The following ATPAF1 variants were observed in gnomAD, a reference collection of about 807,000 sequenced individuals.
ATPAF1 encodes ATP synthase mitochondrial F1 complex assembly factor 1.
Under a neutral mutation model 43.9 loss-of-function variants are expected in ATPAF1, and 26 were observed. The observed-to-expected ratio is 0.59, with a 90% CI of 0.43 to 0.82. The LOEUF (loss-of-function observed/expected upper bound fraction) is 0.82, where lower values mean the gene tolerates loss of function less well. Among genes scored for constraint, ATPAF1 ranks in the 40% least tolerant of loss-of-function variants. ATPAF1 has a pLI of 0.00. For synonymous variants in ATPAF1, 157 were observed against 168.0 expected, an observed-to-expected ratio of 0.93 and a Z score of 0.50; for missense variants, 366 against 435.0, an observed-to-expected ratio of 0.84 and a Z score of 1.41.
intron 4 of ATPAF1, 76 bp downstream of exon 4, chr1:46,658,051 C>T (rs1387602270): frequency 1.4e-6 from 2 of 1,389,918 alleles, no homozygotes; most frequent in Non-Finnish European, 2.0e-6. Context: ...AAAGAGGTGT[C>T]AGAAAATGTA....
intron 1 of ATPAF1, chr1:46,665,615 T>C (rs1167573026): frequency 2.7e-6 from 4 of 1,501,170 alleles, no homozygotes; most frequent in Non-Finnish European, 3.6e-6. Flanking sequence ...GTTCCCTAGG[T>C]TTACACAGGG....
chr1:46,645,123 G>C, intron 7 of ATPAF1, 38 bp downstream of exon 7: 2 of 1,532,362 alleles, frequency 1.3e-6, no homozygotes, highest in Non-Finnish European at 1.8e-6. Flanking sequence ...CCAAGGGGTA[G>C]TCCTCTTTCC....
intron 8 of ATPAF1, among the ~76,000 whole-genome samples, chr1:46,642,543 G>T (rs1031402369): frequency 6.6e-6 from 1 of 152,178 alleles, no homozygotes; most frequent in Non-Finnish European, 1.5e-5. Flanking sequence ...CTATCTCAGT[G>T]ATTCTCATCT....
intron 8 of ATPAF1, among the ~76,000 whole-genome samples, chr1:46,640,443 C>T (rs796391652): frequency 2.0e-5 from 3 of 152,112 alleles, no homozygotes; most frequent in East Asian, 3.9e-4. Flanking sequence ...AACCTCGTCT[C>T]TACTAAAAAT....
chr1:46,658,225 TTA>T (rs1676312189), intron 3 of ATPAF1, 36 bp from the exon 4 acceptor site: 1 of 1,385,198 alleles, frequency 7.2e-7, no homozygotes, highest in African/African-American at 1.7e-5. Context: ...TAACACATAA[TTA>T]AAAAAAAAAA....
chr1:46,668,372 GGCCCGCGC>G (rs1206535739), upstream of ATPAF1: 1 of 1,266,130 alleles, frequency 7.9e-7, no homozygotes, highest in African/African-American at 1.6e-5. The surrounding 1 kb of genome is among the most constrained non-coding windows in gnomAD (Gnocchi z 4.4). Flanking sequence ...CTCGGCCCGC[GGCCCGCGC>G]GCCCGCTCCA....
chr1:46,668,101 G>T lies in ATPAF1; in HGVS notation c.222C>A (p.Asn74Lys), dbSNP rs1229119544. Residue 74 changes from asparagine to lysine, a missense_variant, in exon 1 of 9, where the codon AAC becomes AAA. Coordinates refer to ENST00000574428, the Ensembl canonical transcript of ATPAF1. The surrounding 1 kb of genome is among the most constrained non-coding windows in gnomAD (Gnocchi z 4.4). ...TGTCGCGGTAGCGGTCGTAGAAAGG[G>T]TTGGCCTGGAGCTCGGCCTCGGCCC... The T allele has an allele frequency of 6.9e-7, 1 of 1,451,610 alleles. No homozygotes were observed. The allele number at this position is 1,451,610 out of a possible 1,614,324, so 89.9% of individuals were successfully genotyped here.
chr1:46,647,944 T>C (rs1017812767), intron 6 of ATPAF1, among the ~76,000 whole-genome samples: 2 of 152,342 alleles, frequency 1.3e-5, no homozygotes, highest in African/African-American at 4.8e-5. Context: ...TTTGATAAAA[T>C]GTTCAAATCC....
intron 1 of ATPAF1, 112 bp from the exon 2 acceptor site, chr1:46,665,476 GA>G: frequency 1.5e-6 from 2 of 1,305,860 alleles, no homozygotes; most frequent in Non-Finnish European, 2.1e-6. Flanking sequence ...CAGAGAGGTT[GA>G]AAAATTTGCC....
At chr1:46,659,431 A>G (rs1676342220) in intron 2 of ATPAF1, among the ~76,000 whole-genome samples, 1 of 152,090 alleles carries the variant, frequency 6.6e-6, no homozygotes, top group African/African-American at 2.4e-5. Flanking sequence ...GAGCCATGGG[A>G]GAGGTAAGAA....
At chr1:46,661,076 G>A (rs1676377379) in intron 2 of ATPAF1, among the ~76,000 whole-genome samples, 1 of 142,898 alleles carries the variant, frequency 7.0e-6, no homozygotes, top group Non-Finnish European at 1.5e-5. Context: ...GGTTTTGGAG[G>A]TTTTTTTTTT....
intron 8 of ATPAF1, among the ~76,000 whole-genome samples, chr1:46,640,960 A>G (rs1413147388): frequency 3.3e-5 from 5 of 152,208 alleles, no homozygotes; most frequent in Non-Finnish European, 7.3e-5. Flanking sequence ...TCCTGCTGTC[A>G]TATTCCTGGT....
chr1:46,663,051 C>A (rs1044787581), intron 2 of ATPAF1, among the ~76,000 whole-genome samples: 2 of 152,132 alleles, frequency 1.3e-5, no homozygotes, highest in South Asian at 2.1e-4. Flanking sequence ...TTTGTCCTTG[C>A]GATAGTTTGC....
chr1:46,666,463 G>A (rs933739954), intron 1 of ATPAF1: 1 of 152,280 alleles, frequency 6.6e-6, no homozygotes, highest in African/African-American at 2.4e-5. Flanking sequence ...AGCTGTTGCT[G>A]GGATCTGAGG....
intron 1 of ATPAF1, chr1:46,665,576 G>A (rs596794): frequency 0.05 from 62,725 of 1,250,270 alleles, 9,528 homozygotes; most frequent in African/African-American, 0.4. Flanking sequence ...TCCTCAAGGG[G>A]CCTGTGTAAC....
chr1:46,651,178 T>C (rs1324914975), intron 6 of ATPAF1, among the ~76,000 whole-genome samples: 2 of 142,932 alleles, frequency 1.4e-5, no homozygotes, highest in Non-Finnish European at 3.0e-5. Flanking sequence ...GTCCCCAGAG[T>C]GTGATGTTCT....
At chr1:46,660,837 T>C (rs970865268) in intron 2 of ATPAF1, among the ~76,000 whole-genome samples, 9 of 152,260 alleles carry the variant, frequency 5.9e-5, no homozygotes, top group Admixed American at 2.0e-4. Context: ...GGGTGAGTTC[T>C]ACATAATAAA....
chr1:46,652,875 G>A (rs1328429738), intron 5 of ATPAF1, among the ~76,000 whole-genome samples: 3 of 152,114 alleles, frequency 2.0e-5, no homozygotes, highest in African/African-American at 7.2e-5. Context: ...TTTAACAATT[G>A]TCAGAGACAT....
downstream of ATPAF1, chr1:46,632,789 C>T (rs1675775001): frequency 6.6e-6 from 1 of 152,608 alleles, no homozygotes; most frequent in African/African-American, 2.4e-5. Context: ...TGAGTATCTT[C>T]TATGGTCCAG....
Sources: gnomAD v4.1 joint callset for allele counts (sites outside exome capture counted in the v4.1 genomes callset) on GRCh38, gnomAD v4.1.1 for gene constraint, Gnocchi (gnomAD v3.1) non-coding constraint, MANE v1.5 for transcripts, NCBI Gene and HGNC (gene_info 2026-07-23, HGNC 2026-07-21) for gene names.